CAPN9: variants seen among roughly 807,000 people sequenced by gnomAD.
CAPN9 encodes calpain-9.
In CAPN9, 81 loss-of-function variants were observed where a neutral mutation model predicts 92.8. That is an observed-to-expected ratio of 0.87 (90% CI 0.73 to 1.05). The LOEUF (loss-of-function observed/expected upper bound fraction) is 1.05, where lower values mean the gene tolerates loss of function less well. Among genes scored for constraint, CAPN9 ranks in the 50% least tolerant of loss-of-function variants. CAPN9 has a pLI of 0.00. For missense variants in CAPN9, 848 were observed against 866.2 expected (o/e 0.98, Z 0.26); for synonymous variants, 304 against 328.0 (o/e 0.93, Z 0.79).
chr1:230,768,278 C>T (rs1008746504), intron 5 of CAPN9, among the ~76,000 whole-genome samples: 1 of 151,878 alleles, frequency 6.6e-6, no homozygotes, highest in Admixed American at 6.6e-5. Flanking sequence ...ATTTAATAGT[C>T]GTCAAATAAC....
chr1:230,783,015 T>TA (rs1240939364), intron 11 of CAPN9, among the ~76,000 whole-genome samples: 27 of 151,892 alleles, frequency 1.8e-4, no homozygotes, highest in Admixed American at 9.2e-4. Flanking sequence ...AGACTCCGTC[T>TA]AAAAAAAATG....
intron 2 of CAPN9, among the ~76,000 whole-genome samples, chr1:230,756,986 GAGGGAGGA>G (rs149952859): frequency 0.43 from 58,153 of 136,006 alleles, 12,596 homozygotes; most frequent in Non-Finnish European, 0.45. Context: ...GGAAGGGAGA[GAGGGAGGA>G]AGGGAGGGAG....
At chr1:230,771,644 G>T (rs1666392974) in intron 6 of CAPN9, among the ~76,000 whole-genome samples, 1 of 152,242 alleles carries the variant, frequency 6.6e-6, no homozygotes, top group South Asian at 2.1e-4. Context: ...GCTAGATGCT[G>T]AAGATGCCTA....
At chr1:230,763,540 C>G (rs1288782813) in intron 4 of CAPN9, among the ~76,000 whole-genome samples, 2 of 152,172 alleles carry the variant, frequency 1.3e-5, no homozygotes, top group Non-Finnish European at 2.9e-5. Flanking sequence ...TCCTCAGGCT[C>G]TCAATTTCCA....
chr1:230,781,016 C>T (rs748953047), intron 11 of CAPN9, among the ~76,000 whole-genome samples: 1 of 152,088 alleles, frequency 6.6e-6, no homozygotes, highest in Non-Finnish European at 1.5e-5. Flanking sequence ...CAGGCACCCA[C>T]CACCACACCT....
intron 18 of CAPN9, among the ~76,000 whole-genome samples, chr1:230,796,123 G>A (rs1668338344): frequency 6.6e-6 from 1 of 150,904 alleles, no homozygotes; most frequent in Non-Finnish European, 1.5e-5. Context: ...GTGAGGTCAG[G>A]AGCTCGAGAC....
intron 1 of CAPN9, among the ~76,000 whole-genome samples, chr1:230,749,914 G>T (rs531663842): frequency 7.1e-4 from 108 of 152,296 alleles, no homozygotes; most frequent in African/African-American, 2.4e-3. Flanking sequence ...CTAGTTTAAA[G>T]TGTAATCTGT....
intron 5 of CAPN9, among the ~76,000 whole-genome samples, chr1:230,768,173 G>A (rs536474776): frequency 7.2e-5 from 11 of 152,126 alleles, no homozygotes; most frequent in African/African-American, 1.7e-4. Context: ...GTTTGAGGCC[G>A]CAGTGAACTA....
intron 12 of CAPN9, among the ~76,000 whole-genome samples, chr1:230,787,273 TC>T (rs1418153541): frequency 6.6e-6 from 1 of 152,062 alleles, no homozygotes; most frequent in Non-Finnish European, 1.5e-5. Context: ...CGGGTCAAGG[TC>T]CTTTGGCCTC....
At chr1:230,797,557 T>C (rs1353982931) in intron 18 of CAPN9, among the ~76,000 whole-genome samples, 2 of 152,158 alleles carry the variant, frequency 1.3e-5, no homozygotes, top group Non-Finnish European at 2.9e-5. Flanking sequence ...CTTTGGGTTG[T>C]ATTATTAAAG....
At chr1:230,797,272 A>G (rs768199041) in intron 18 of CAPN9, among the ~76,000 whole-genome samples, 1 of 152,180 alleles carries the variant, frequency 6.6e-6, no homozygotes, top group East Asian at 1.9e-4. Flanking sequence ...TTTTCCCCCT[A>G]AATAATTTAA....
At chr1:230,759,118 C>G (rs1665449024) in intron 2 of CAPN9, among the ~76,000 whole-genome samples, 1 of 152,194 alleles carries the variant, frequency 6.6e-6, no homozygotes, top group African/African-American at 2.4e-5. Flanking sequence ...ACCACCCTCC[C>G]AAGTACTGCC....
At chr1:230,774,531 A>G in intron 7 of CAPN9, 23 bp from the exon 8 acceptor site, 2 of 1,565,266 alleles carry the variant, frequency 1.3e-6, no homozygotes, top group Non-Finnish European at 8.8e-7. Context: ...CTCTGCCTGA[A>G]CACCAATTTT....
At chr1:230,765,762 T>C (rs1456802176) in intron 4 of CAPN9, among the ~76,000 whole-genome samples, 1 of 152,194 alleles carries the variant, frequency 6.6e-6, no homozygotes, top group Non-Finnish European at 1.5e-5. Flanking sequence ...TATAAATAAA[T>C]GTGGAAGAAG....
chr1:230,800,270 GA>G (rs1181544354), intron 19 of CAPN9, among the ~76,000 whole-genome samples: 1 of 132,174 alleles, frequency 7.6e-6, no homozygotes, highest in Non-Finnish European at 1.6e-5. Flanking sequence ...AAGAAAGAAA[GA>G]AAGAAAGAAA....
At chr1:230,767,512 C>T (rs1281520892) in intron 4 of CAPN9, 29 bp from the exon 5 acceptor site, 3 of 1,581,010 alleles carry the variant, frequency 1.9e-6, no homozygotes, top group African/African-American at 2.8e-5. Flanking sequence ...GTCCCTGACT[C>T]TCTCCTCTCT....
In CAPN9 at chr1:230,769,221, T is replaced by A; in HGVS notation, c.747T>A (p.Gly249=). The stretch of plus-strand genomic sequence containing the variant: ...AATCTGAGGCCCGGACGCCGTTTGG[T>A]CTTATTAAGGGTCATGCCTACAGTG... ...AAESEARTPF[G]LIKGHAYSVT... The change falls in exon 6 of 20, where the codon GGT becomes GGA. Residue 249 remains glycine, a synonymous_variant. Coordinates refer to ENST00000271971, the MANE Select transcript of CAPN9 (RefSeq NM_006615.3). The A allele has an allele frequency of 3.1e-6, 5 of 1,614,186 alleles. No individual in the cohort carries two copies. The highest frequency in any genetic ancestry group is 4.2e-6 in the Non-Finnish European group (5 of 1,180,014).
At chr1:230,795,474 T>A (rs1030374354) in intron 18 of CAPN9, 195 bp downstream of exon 18, 6 of 530,076 alleles carry the variant, frequency 1.1e-5, no homozygotes, top group South Asian at 2.1e-5. Context: ...GCAGCACGTT[T>A]CTTAGCATCG....
intron 2 of CAPN9, among the ~76,000 whole-genome samples, chr1:230,757,011 TGGAAGGAAGGAAGGAA>T (rs1185102067): frequency 4.7e-4 from 40 of 85,212 alleles, no homozygotes; most frequent in African/African-American, 1.6e-3. Flanking sequence ...GGAGGGAGGA[TGGAAGGAAGGAAGGAA>T]GGAAGGAAGG....
Sources: allele counts gnomAD v4.1 joint callset (sites outside exome capture counted in the v4.1 genomes callset), GRCh38; gene constraint gnomAD v4.1.1; transcripts MANE v1.5; gene names NCBI Gene and HGNC (gene_info 2026-07-23, HGNC 2026-07-21).